The following REEP1 variants were observed in gnomAD, a reference collection of about 807,000 sequenced individuals.
The protein encoded by REEP1 is receptor accessory protein 1, also known as receptor expression-enhancing protein 1.
A neutral mutation model predicts 40.3 loss-of-function variants in REEP1; 22 were observed. The ratio of observed to expected loss-of-function variants is 0.55; its 90% CI spans 0.39 to 0.78. The LOEUF (loss-of-function observed/expected upper bound fraction) is 0.78, where lower values mean the gene tolerates loss of function less well. REEP1 is among the 30% of genes least tolerant of loss of function. REEP1 has a pLI of 0.00. For missense variants in REEP1, 280 were observed against 361.1 expected (o/e 0.78, Z 1.82); for synonymous variants, 116 against 139.2 (o/e 0.83, Z 1.17).
In REEP1 at chr2:86,216,888, T is replaced by A; in HGVS notation, c.*151A>T. The A allele has an allele frequency of 6.3e-6, 4 of 632,486 alleles. No individual in the cohort carries two copies. The highest frequency in any genetic ancestry group is 8.3e-6 in the Non-Finnish European group (3 of 360,558). 39.2% of individuals were successfully genotyped at this position (632,486 alleles called of 1,614,324 possible). A position where few individuals can be genotyped will look rare whatever the true frequency, so the allele number is the denominator to read the frequency against. ...AGAAAAGGGGGAAAAAAATAAATCC[T>A]TAAAAGTGGAAGGGGAGAGAGAAAA... On this transcript the variant is annotated 3_prime_UTR_variant, in exon 9 of 9. Coordinates refer to ENST00000538924, the MANE Select transcript of REEP1 (RefSeq NM_001371279.1).
At chr2:86,320,972 C>A (rs927609198) in intron 1 of REEP1, among the ~76,000 whole-genome samples, 2 of 152,186 alleles carry the variant, frequency 1.3e-5, no homozygotes, top group Admixed American at 6.5e-5. Flanking sequence ...GTGCCCGCCA[C>A]CAAGTCTGGC....
intron 1 of REEP1, among the ~76,000 whole-genome samples, chr2:86,292,540 T>C (rs188457993): frequency 6.6e-6 from 1 of 152,220 alleles, no homozygotes; most frequent in African/African-American, 2.4e-5. Flanking sequence ...GACTGTCCTG[T>C]GGTTGCCTAT....
At chr2:86,263,580 G>A (rs1676975704) in intron 3 of REEP1, among the ~76,000 whole-genome samples, 1 of 152,118 alleles carries the variant, frequency 6.6e-6, no homozygotes, top group Non-Finnish European at 1.5e-5. Context: ...TGTGAGTAGT[G>A]ATTATGTTGA....
intron 5 of REEP1, among the ~76,000 whole-genome samples, chr2:86,246,420 T>C (rs1675959429): frequency 6.6e-6 from 1 of 152,186 alleles, no homozygotes; most frequent in Admixed American, 6.5e-5. Flanking sequence ...TTAGAGCAGC[T>C]TTCTTCAATA....
At chr2:86,287,658 G>T (rs1321839245) in intron 1 of REEP1, among the ~76,000 whole-genome samples, 1 of 152,074 alleles carries the variant, frequency 6.6e-6, no homozygotes, top group African/African-American at 2.4e-5. Context: ...ATGCTCCTTG[G>T]TTCTTCAGCT....
intron 3 of REEP1, among the ~76,000 whole-genome samples, chr2:86,259,082 C>T (rs546176804): frequency 1.6e-4 from 24 of 151,942 alleles, no homozygotes; most frequent in Non-Finnish European, 3.2e-4. Context: ...CCGAGGTGGG[C>T]GGATCACAAG....
chr2:86,223,595 C>T (rs1674535696), intron 7 of REEP1: 1 of 152,348 alleles, frequency 6.6e-6, no homozygotes, highest in Non-Finnish European at 1.5e-5. Context: ...TCCCCATCCA[C>T]ACACACTCAC....
intron 1 of REEP1, among the ~76,000 whole-genome samples, chr2:86,315,681 T>G (rs561897343): frequency 1.3e-5 from 2 of 152,270 alleles, no homozygotes; most frequent in East Asian, 3.9e-4. Flanking sequence ...TTGGTGGATG[T>G]TGGTGGTTTT....
At chr2:86,264,636 A>T (rs1386245796) in intron 2 of REEP1, among the ~76,000 whole-genome samples, 4 of 151,852 alleles carry the variant, frequency 2.6e-5, no homozygotes, top group Non-Finnish European at 5.9e-5. Flanking sequence ...TCAGACTATC[A>T]CCCCATTTAA....
At chr2:86,255,241 C>G (rs1193570856) in intron 3 of REEP1, among the ~76,000 whole-genome samples, 3 of 149,428 alleles carry the variant, frequency 2.0e-5, no homozygotes, top group Non-Finnish European at 3.0e-5. Context: ...GGACAAACAC[C>G]AGGGGGAATT....
chr2:86,326,991 A>G (rs1427169791), intron 1 of REEP1, among the ~76,000 whole-genome samples: 2 of 152,222 alleles, frequency 1.3e-5, no homozygotes, highest in Non-Finnish European at 2.9e-5. Context: ...CAATCGGGCT[A>G]GTGATTTTGA....
chr2:86,255,621 T>C (rs2113613), intron 3 of REEP1, among the ~76,000 whole-genome samples: 18,121 of 152,144 alleles, frequency 0.12, 3,546 homozygotes, highest in African/African-American at 0.41. Flanking sequence ...ACCTGATTCC[T>C]GCCCTCATGG....
In REEP1 at chr2:86,266,481, C is replaced by T. The variant is rs796755268; in HGVS notation, c.106-2440G>A. On this transcript the variant is annotated intron_variant, in intron 2 of 8. Transcript: ENST00000538924. The stretch of plus-strand genomic sequence containing the variant: ...AAAAATACAAAAAATTAGCCGGGCG[C>T]GGTGGCCGGCGCCTGTAGTCCCAGC... 1.5e-4 allele frequency among the ~76,000 whole-genome samples: 22 copies of T among 149,320 alleles called. 1 individual carries two copies. Among genetic ancestry groups the T allele is most frequent in the African/African-American group, 3.7e-4 (15 of 40,774 alleles).
intron 2 of REEP1, among the ~76,000 whole-genome samples, chr2:86,267,837 C>T (rs1677227818): frequency 6.6e-6 from 1 of 151,314 alleles, no homozygotes; most frequent in Non-Finnish European, 1.5e-5. Context: ...ATATAAAAAA[C>T]TCTTATAACT....
In REEP1 at chr2:86,234,988, C is replaced by T. The variant is rs191289804; in HGVS notation, c.418-2186G>A. On this transcript the variant is annotated intron_variant, in intron 5 of 8. Transcript: ENST00000538924. ...ATTCTGAAATGAGTGAGAAAATATT[C>T]TGCTAATTATAAGTGAGTAACTCAA... is the stretch of plus-strand genomic sequence containing the variant. Among the ~76,000 whole-genome samples the T allele has an allele frequency of 5.4e-3, 826 of 152,280 alleles. 9 individuals carry two copies. Among genetic ancestry groups the T allele is most frequent in the Non-Finnish European group, 6.4e-3 (438 of 68,022 alleles).
chr2:86,286,508 T>A (rs1678407591), intron 1 of REEP1, among the ~76,000 whole-genome samples: 1 of 152,182 alleles, frequency 6.6e-6, no homozygotes, highest in African/African-American at 2.4e-5. Flanking sequence ...CACTAGACCA[T>A]CAAGGGTCAT....
rs1675809068 is a variant in REEP1 at position 86,244,132 on chromosome 2, AAAGGC to A, written c.417+7820_417+7824del. ...AGTTTTTTTTGCTAGAAAGCAAAAC[AAAGGC>A]AAGGCAACTGACTCCAGTCAGGTCA... is the stretch of plus-strand genomic sequence containing the variant. On this transcript the variant is annotated intron_variant, in intron 5 of 8. Coordinates refer to ENST00000538924, the MANE Select transcript of REEP1 (RefSeq NM_001371279.1). Among the ~76,000 whole-genome samples, 5 of 152,228 alleles carry A rather than the reference AAAGGC, an allele frequency of 3.3e-5. 1 individual carries two copies. In the South Asian group the frequency reaches 1.0e-3, roughly 31 times the overall value.
intron 1 of REEP1, among the ~76,000 whole-genome samples, chr2:86,314,953 G>C (rs547383675): frequency 6.6e-6 from 1 of 151,886 alleles, no homozygotes; most frequent in Non-Finnish European, 1.5e-5. Context: ...TCCGTCTCCC[G>C]AAGTGCTAGG....
At chr2:86,283,484 C>A (rs1390344345) in intron 1 of REEP1, among the ~76,000 whole-genome samples, 1 of 152,154 alleles carries the variant, frequency 6.6e-6, no homozygotes, top group Admixed American at 6.5e-5. Context: ...ACAGAAGACA[C>A]CACACTGAAG....
Sources: allele counts gnomAD v4.1 joint callset (sites outside exome capture counted in the v4.1 genomes callset), GRCh38; gene constraint gnomAD v4.1.1; transcripts MANE v1.5; gene names NCBI Gene and HGNC (gene_info 2026-07-23, HGNC 2026-07-21).